Variants in GABRG3 observed in about 807,000 individuals in gnomAD.
GABRG3 encodes gamma-aminobutyric acid receptor subunit gamma-3.
In GABRG3, 25 loss-of-function variants were observed where a neutral mutation model predicts 48.8. The ratio of observed to expected loss-of-function variants is 0.51; its 90% CI spans 0.37 to 0.72. The LOEUF (loss-of-function observed/expected upper bound fraction) is 0.72. GABRG3 is among the 30% of genes least tolerant of loss of function. The pLI is 0.00. For synonymous variants in GABRG3, 227 were observed against 217.6 expected (o/e 1.04, Z -0.38); for missense variants, 394 against 577.9 (o/e 0.68, Z 3.26).
At chr15:27,439,338 T>G (rs189961463) in intron 5 of GABRG3, among the ~76,000 whole-genome samples, 2 of 152,302 alleles carry the variant, frequency 1.3e-5, no homozygotes, top group South Asian at 2.1e-4. Context: ...GCGAAAAGTC[T>G]TATTGAAAAC....
chr15:27,284,521 C>T (rs2140481877), intron 3 of GABRG3, among the ~76,000 whole-genome samples: 1 of 152,322 alleles, frequency 6.6e-6, no homozygotes, highest in South Asian at 2.1e-4. Flanking sequence ...CTCTCTCTCA[C>T]ACACACTGTC....
At chr15:27,532,307 CCT>C (rs1428687992) in intron 9 of GABRG3, among the ~76,000 whole-genome samples, 3 of 151,872 alleles carry the variant, frequency 2.0e-5, no homozygotes, top group Non-Finnish European at 4.4e-5. Context: ...CCAGGGGTCT[CCT>C]CTCTCAGCTT....
chr15:27,274,685 C>T (rs76859485), intron 3 of GABRG3, among the ~76,000 whole-genome samples: 15 of 152,252 alleles, frequency 9.9e-5, no homozygotes, highest in African/African-American at 3.6e-4. Flanking sequence ...TCAAGACTCA[C>T]CCACTCCTCC....
At chr15:27,286,881 C>T (rs1332596238) in intron 3 of GABRG3, among the ~76,000 whole-genome samples, 1 of 152,160 alleles carries the variant, frequency 6.6e-6, no homozygotes, top group Non-Finnish European at 1.5e-5. Context: ...CTCTGGGCTG[C>T]CCTACTCTCT....
At chr15:27,340,337 A>C (rs1894127342) in intron 5 of GABRG3, among the ~76,000 whole-genome samples, 1 of 152,180 alleles carries the variant, frequency 6.6e-6, no homozygotes, top group Admixed American at 6.5e-5. Flanking sequence ...CAAGGTTTTC[A>C]AGGGCAGAGA....
chr15:27,358,937 G>C (rs1305706777), intron 5 of GABRG3, among the ~76,000 whole-genome samples: 1 of 152,250 alleles, frequency 6.6e-6, no homozygotes, highest in African/African-American at 2.4e-5. Context: ...TCTCCCGGGG[G>C]TCCTGGTAAG....
intron 6 of GABRG3, among the ~76,000 whole-genome samples, chr15:27,516,315 A>G (rs773140535): frequency 7.9e-5 from 12 of 152,248 alleles, no homozygotes; most frequent in Non-Finnish European, 1.5e-4. Flanking sequence ...TCTGAGAAAC[A>G]TGGAAATATA....
At chr15:27,349,553 A>G (rs921221858) in intron 5 of GABRG3, among the ~76,000 whole-genome samples, 3 of 152,192 alleles carry the variant, frequency 2.0e-5, no homozygotes, top group African/African-American at 7.2e-5. Flanking sequence ...TCCACTCTCA[A>G]TGGGACACTG....
Position 27,306,677 on chromosome 15 carries a change from CAT to C in GABRG3, c.271-20125_271-20124del, listed in dbSNP as rs1399408543. Among the ~76,000 whole-genome samples, 96 of 76,240 alleles carry C rather than the reference CAT, an allele frequency of 1.3e-3. 6 individuals are homozygous for C. Among genetic ancestry groups the C allele is most frequent in the South Asian group, 3.5e-3 (12 of 3,422 alleles). The allele number at this position is 76,240 out of a possible 152,430, so 50.0% of individuals were successfully genotyped here. On this transcript the variant is annotated intron_variant, in intron 3 of 9. Coordinates refer to ENST00000615808, the MANE Select transcript of GABRG3 (RefSeq NM_033223.5). ...ATATATGAACATGTTTATATATAAA[CAT>C]ATATATGAACATGTTTATATATAAA...
chr15:27,361,381 G>C (rs376210504), intron 5 of GABRG3, among the ~76,000 whole-genome samples: 45 of 152,306 alleles, frequency 3.0e-4, no homozygotes, highest in African/African-American at 9.9e-4. Context: ...TTGGGATTCT[G>C]AATTAACTTC....
chr15:27,516,090 G>C, intron 6 of GABRG3, among the ~76,000 whole-genome samples: 2 of 148,808 alleles, frequency 1.3e-5, no homozygotes, highest in Admixed American at 6.7e-5. Context: ...ATGTTATCTA[G>C]CAGCCGGTTA....
chr15:27,231,072 A>C (rs1889782915), intron 3 of GABRG3, among the ~76,000 whole-genome samples: 1 of 151,448 alleles, frequency 6.6e-6, no homozygotes, highest in African/African-American at 2.4e-5. Flanking sequence ...TATTAAAGGA[A>C]ATTCAAGAAA....
chr15:27,119,668 TTCAC>T (rs1897698992), intron 3 of GABRG3, among the ~76,000 whole-genome samples: 1 of 152,204 alleles, frequency 6.6e-6, no homozygotes. Flanking sequence ...ATGAATGTGC[TTCAC>T]TCAGGTCATT....
intron 4 of GABRG3, among the ~76,000 whole-genome samples, chr15:27,328,362 A>G (rs1893690541): frequency 6.6e-6 from 1 of 152,178 alleles, no homozygotes; most frequent in Admixed American, 6.5e-5. Context: ...TGGCAGAGCT[A>G]CCACCTGCCT....
At chr15:26,992,081 A>G (rs906192356) in intron 2 of GABRG3, among the ~76,000 whole-genome samples, 3 of 152,182 alleles carry the variant, frequency 2.0e-5, no homozygotes, top group African/African-American at 4.8e-5. Flanking sequence ...TTGTATGTCA[A>G]ACTGTATCCT....
At chr15:27,287,420 T>C (rs1001042943) in intron 3 of GABRG3, among the ~76,000 whole-genome samples, 1 of 152,200 alleles carries the variant, frequency 6.6e-6, no homozygotes, top group African/African-American at 2.4e-5. Flanking sequence ...ATTTATTAGA[T>C]TGCAAATCCT....
At chr15:27,035,888 G>A (rs1397457519) in intron 3 of GABRG3, among the ~76,000 whole-genome samples, 1 of 152,236 alleles carries the variant, frequency 6.6e-6, no homozygotes, top group African/African-American at 2.4e-5. Flanking sequence ...GTGAGAAATG[G>A]TGAGTTCTGA....
chr15:27,405,736 A>C (rs1887610932), intron 5 of GABRG3, among the ~76,000 whole-genome samples: 1 of 152,038 alleles, frequency 6.6e-6, no homozygotes, highest in Non-Finnish European at 1.5e-5. Flanking sequence ...AGGGTTTTGA[A>C]GCGGCAACAG....
rs568937235 is a variant in GABRG3, at chr15:27,510,276, T to TA, written c.713-9695dup. On this transcript the variant is annotated intron_variant, in intron 6 of 9. Coordinates refer to ENST00000615808, the MANE Select transcript of GABRG3 (RefSeq NM_033223.5). ...AGGCATGATTTGTAAACCTAGTTCT[T>TA]AGAGTGTGACCTTCCCAAGTGTTCC... 2.4e-3 allele frequency among the ~76,000 whole-genome samples: 363 copies of TA among 152,260 alleles called. 2 individuals are homozygous for TA. Among genetic ancestry groups the TA allele is most frequent in the African/African-American group, 8.5e-3 (355 of 41,530 alleles).
Sources: gnomAD v4.1 joint callset for allele counts (sites outside exome capture counted in the v4.1 genomes callset) on GRCh38, gnomAD v4.1.1 for gene constraint, MANE v1.5 for transcripts, NCBI Gene and HGNC (gene_info 2026-07-23, HGNC 2026-07-21) for gene names.